Variants in FUCA1 observed in about 807,000 individuals in gnomAD.
FUCA1 encodes alpha-L-fucosidase 1.
FUCA1 carries 52 observed loss-of-function variants against 56.8 expected under a neutral mutation model. The ratio of observed to expected loss-of-function variants is 0.92; its 90% confidence interval spans 0.73 to 1.15. The LOEUF (loss-of-function observed/expected upper bound fraction) is 1.15, where lower values mean the gene tolerates loss of function less well. Ranked by LOEUF, FUCA1 falls within the 50% of genes most tolerant of loss-of-function variation. FUCA1 has a pLI of 0.00. For synonymous variants in FUCA1, 230 were observed against 226.6 expected, an observed-to-expected ratio of 1.02 and a Z score of -0.14; for missense variants, 568 against 592.6, an observed-to-expected ratio of 0.96 and a Z score of 0.43.
At chr1:23,851,383 CACAT>C (rs35768557) in intron 5 of FUCA1, among the ~76,000 whole-genome samples, 73,611 of 146,892 alleles carry the variant, frequency 0.5, 18,464 homozygotes, top group South Asian at 0.63. Context: ...AATAAATATA[CACAT>C]ACATACATAC....
chr1:23,851,861 T>C (rs1242493793), intron 5 of FUCA1, among the ~76,000 whole-genome samples: 1 of 151,854 alleles, frequency 6.6e-6, no homozygotes, highest in East Asian at 1.9e-4. Flanking sequence ...CTTGTTGGAA[T>C]GTGGGGGTGA....
At chr1:23,854,226 C>G (rs1439003112) in intron 5 of FUCA1, 134 bp downstream of exon 5, 4 of 769,322 alleles carry the variant, frequency 5.2e-6, no homozygotes, top group African/African-American at 1.8e-5. Flanking sequence ...CGCTTTTCTT[C>G]ATAATTTTAC....
At chr1:23,856,723 G>C (rs1028279743) in intron 4 of FUCA1, among the ~76,000 whole-genome samples, 3 of 152,174 alleles carry the variant, frequency 2.0e-5, no homozygotes, top group Non-Finnish European at 4.4e-5. Context: ...CGGGAGCGGT[G>C]GCTCACGCCT....
chr1:23,854,825 A>G (rs1639358635), intron 4 of FUCA1, among the ~76,000 whole-genome samples: 1 of 152,326 alleles, frequency 6.6e-6, no homozygotes, highest in South Asian at 2.1e-4. Flanking sequence ...CCCCCACAGC[A>G]AAGAAATATT....
At chr1:23,866,499 T>C (rs879428225) in intron 1 of FUCA1, among the ~76,000 whole-genome samples, 3 of 152,236 alleles carry the variant, frequency 2.0e-5, no homozygotes, top group South Asian at 2.1e-4. Context: ...CAAAAATAGG[T>C]AATGCACTTT....
intron 4 of FUCA1, among the ~76,000 whole-genome samples, chr1:23,856,949 G>C (rs1015002666): frequency 2.6e-5 from 4 of 151,302 alleles, no homozygotes; most frequent in South Asian, 2.1e-4. Context: ...CCGAGATCGT[G>C]CCATTGTACT....
In FUCA1 at chr1:23,852,083, A is replaced by AATAATAATAATAATC. The variant is rs879565981; in HGVS notation, c.969+2276_969+2277insGATTATTATTATTAT. On this transcript the variant is annotated intron_variant, in intron 5 of 7. Coordinates refer to ENST00000374479, the MANE Select transcript of FUCA1 (RefSeq NM_000147.5). ...ATCATATAGTATGTTAGAAGGTAAT[A>AATAATAATAATAATC]ATAATAATAATAATAATAAAAAGTG... 2.7e-3 allele frequency among the ~76,000 whole-genome samples: 394 copies of AATAATAATAATAATC among 147,480 alleles called. 3 individuals carry two copies. Among genetic ancestry groups the AATAATAATAATAATC allele is most frequent in the African/African-American group, 8.4e-3 (334 of 39,990 alleles).
Position 23,868,287 on chromosome 1 carries a change from C to G in FUCA1, c.-1G>C, listed in dbSNP as rs767034274. The G allele has an allele frequency of 9.7e-6, 15 of 1,545,894 alleles. No individual in the cohort carries two copies. Among genetic ancestry groups the G allele is most frequent in the African/African-American group, 6.8e-5 (5 of 73,180 alleles). ...GCGACCTCATCCCCGGAGCCCGCAT[C>G]GCTACCCCTCAGCGACGCGGCCCAC... On this transcript the variant is annotated 5_prime_UTR_variant, in exon 1 of 8. Transcript: ENST00000374479.
At chr1:23,853,550 C>T (rs569530702) in intron 5 of FUCA1, among the ~76,000 whole-genome samples, 9 of 152,028 alleles carry the variant, frequency 5.9e-5, no homozygotes, top group Admixed American at 2.0e-4. Flanking sequence ...GCCACCACCC[C>T]GTCTGGGAGG....
At chr1:23,854,264 T>C (rs915161809) in intron 5 of FUCA1, 96 bp downstream of exon 5, 2 of 1,024,204 alleles carry the variant, frequency 2.0e-6, no homozygotes, top group South Asian at 1.4e-5. Flanking sequence ...GTAAACAATA[T>C]GCTGTTTTTG....
intron 5 of FUCA1, among the ~76,000 whole-genome samples, chr1:23,853,499 C>T (rs1376557844): frequency 6.6e-6 from 1 of 151,680 alleles, no homozygotes; most frequent in Non-Finnish European, 1.5e-5. Flanking sequence ...GGCGCCTCTG[C>T]CCGGCCGCCC....
intron 4 of FUCA1, among the ~76,000 whole-genome samples, 182 bp from the exon 5 acceptor site, chr1:23,854,742 C>T (rs754926442): frequency 3.3e-5 from 5 of 152,216 alleles, no homozygotes; most frequent in Non-Finnish European, 7.4e-5. Context: ...TTGATTGTCA[C>T]AACGGGGGTG....
intron 2 of FUCA1, among the ~76,000 whole-genome samples, chr1:23,864,706 CTTTTTTT>C (rs563678936): frequency 5.1e-5 from 7 of 138,542 alleles, no homozygotes; most frequent in Admixed American, 4.3e-4. Flanking sequence ...TGTCTTTTTT[CTTTTTTT>C]TTTTTTTTTG....
chr1:23,862,925 A>G (rs1639538809), intron 3 of FUCA1, among the ~76,000 whole-genome samples: 1 of 152,214 alleles, frequency 6.6e-6, no homozygotes, highest in Non-Finnish European at 1.5e-5. Flanking sequence ...TGATTGTTTC[A>G]ATGTAGAAGG....
At position 23,865,570 on chromosome 1, in the gene FUCA1, C is replaced by A. The variant is rs747625633; in HGVS notation, c.445G>T (p.Val149Leu). 6.8e-6 allele frequency: 11 copies of A among 1,614,090 alleles called. No homozygotes were observed. The highest frequency in any genetic ancestry group is 2.7e-5 in the African/African-American group (2 of 74,922). ...HEGFTNWPSP[V>L]SWNWNSKDVG... ...TCTTTGGAGTTCCAGTTCCAAGACA[C>A]AGGACTCGGCCAGTTTGTGAAGCCT... The change falls in exon 2 of 8, where the codon GTG becomes TTG. Residue 149 changes from valine to leucine, a missense_variant. By Grantham distance (32) the Val-to-Leu change is conservative. Transcript: ENST00000374479.
intron 3 of FUCA1, among the ~76,000 whole-genome samples, chr1:23,861,948 A>G (rs1639519433): frequency 6.6e-6 from 1 of 152,214 alleles, no homozygotes; most frequent in Non-Finnish European, 1.5e-5. Context: ...TCATTACCTC[A>G]TTAGTTCTCA....
At chr1:23,863,395 A>G (rs2148447831) in intron 2 of FUCA1, 124 bp from the exon 3 acceptor site, 3 of 908,314 alleles carry the variant, frequency 3.3e-6, no homozygotes, top group Non-Finnish European at 4.9e-6. Context: ...TATAGAGAGG[A>G]ATGGGATCCA....
At position 23,867,918 on chromosome 1, in the gene FUCA1, G is replaced by A; in HGVS notation, c.369C>T (p.Leu123=). The A allele has an allele frequency of 1.3e-6, 2 of 1,552,756 alleles. No homozygotes were observed. Among genetic ancestry groups the A allele is most frequent in the Non-Finnish European group, 1.7e-6 (2 of 1,148,630 alleles). The change falls in exon 1 of 8, where the codon CTC becomes CTT. Residue 123 remains leucine (L), a synonymous_variant. Transcript: ENST00000374479. The surrounding 1 kb of genome is among the most constrained non-coding windows in gnomAD (Gnocchi z 4.9). ...CTCACTTGGCGCCCGCGGCCTGGAA[G>A]AGGTCGGCCCACTCCTCCGGGTGGA... ...RFFHPEEWAD[L]FQAAGAKYVV...
At chr1:23,864,221 A>G (rs895394842) in intron 2 of FUCA1, among the ~76,000 whole-genome samples, 2 of 151,330 alleles carry the variant, frequency 1.3e-5, no homozygotes, top group African/African-American at 4.9e-5. Context: ...CAAGTAGCTG[A>G]GACTACAGGT....
Sources: gnomAD v4.1 joint callset for allele counts (sites outside exome capture counted in the v4.1 genomes callset) on GRCh38, gnomAD v4.1.1 for gene constraint, Gnocchi (gnomAD v3.1) non-coding constraint, MANE v1.5 for transcripts, NCBI Gene and HGNC (gene_info 2026-07-23, HGNC 2026-07-21) for gene names.